Variants in HECW2 observed in about 807,000 individuals in gnomAD.
HECW2 encodes HECT, C2 and WW domain containing E3 ubiquitin protein ligase 2, also known as E3 ubiquitin-protein ligase HECW2.
In HECW2, 61 loss-of-function variants were observed where a neutral mutation model predicts 175.2. That is an observed-to-expected ratio of 0.35 (90% CI 0.28 to 0.43). The LOEUF (loss-of-function observed/expected upper bound fraction) is 0.43, where lower values mean the gene tolerates loss of function less well. Among genes scored for constraint, HECW2 ranks in the 20% least tolerant of loss-of-function variants. HECW2 has a pLI of 1.00. For synonymous variants in HECW2, 671 were observed against 731.0 expected, an observed-to-expected ratio of 0.92 and a Z score of 1.32; for missense variants, 1,524 against 2,000.5, an observed-to-expected ratio of 0.76 and a Z score of 4.54.
intron 4 of HECW2, among the ~76,000 whole-genome samples, chr2:196,334,122 C>G (rs76875511): frequency 6.6e-6 from 1 of 152,186 alleles, no homozygotes; most frequent in South Asian, 2.1e-4. Flanking sequence ...CAACTGGTCA[C>G]CCACACTAAG....
At chr2:196,264,985 C>T (rs932603488) in intron 17 of HECW2, among the ~76,000 whole-genome samples, 1 of 152,018 alleles carries the variant, frequency 6.6e-6, no homozygotes, top group African/African-American at 2.4e-5. Flanking sequence ...GCTTCTAAAA[C>T]GTTATCTTAA....
intron 13 of HECW2, among the ~76,000 whole-genome samples, chr2:196,298,102 A>C (rs567499817): frequency 5.3e-4 from 80 of 152,330 alleles, no homozygotes; most frequent in Non-Finnish European, 9.0e-4. Context: ...GTATTTTTAG[A>C]GCTCATTAAA....
At chr2:196,517,622 T>C (rs964231616) in intron 1 of HECW2, among the ~76,000 whole-genome samples, 3 of 152,244 alleles carry the variant, frequency 2.0e-5, no homozygotes, top group African/African-American at 7.2e-5. Flanking sequence ...TTGTTTTCAC[T>C]GTAAAGATTG....
intron 1 of HECW2, among the ~76,000 whole-genome samples, chr2:196,574,313 C>T (rs1317528279): frequency 6.6e-6 from 1 of 151,806 alleles, no homozygotes; most frequent in African/African-American, 2.4e-5. Context: ...ACCCATAATC[C>T]CAGCTACTCA....
At chr2:196,420,259 T>C (rs552424881) in intron 2 of HECW2, among the ~76,000 whole-genome samples, 2 of 152,196 alleles carry the variant, frequency 1.3e-5, no homozygotes, top group Non-Finnish European at 2.9e-5. Context: ...CTGAAGTCCA[T>C]ATGAACTGCA....
intron 2 of HECW2, chr2:196,362,247 A>G: frequency 4.2e-6 from 4 of 962,106 alleles, no homozygotes; most frequent in Non-Finnish European, 4.9e-6. Context: ...ACAGGATGCA[A>G]TCGCCCCATC....
chr2:196,286,596 T>G (rs192330842), intron 14 of HECW2, among the ~76,000 whole-genome samples: 2 of 152,264 alleles, frequency 1.3e-5, no homozygotes, highest in East Asian at 3.9e-4. Context: ...GCCATCTGCC[T>G]TCTATGTACA....
chr2:196,379,059 T>G (rs766159863), intron 2 of HECW2, among the ~76,000 whole-genome samples: 13 of 143,810 alleles, frequency 9.0e-5, no homozygotes, highest in Non-Finnish European at 1.7e-4. Flanking sequence ...TGGAACAAGT[T>G]AAAAGACAAT....
intron 14 of HECW2, among the ~76,000 whole-genome samples, chr2:196,279,726 A>G (rs892143273): frequency 6.6e-6 from 1 of 152,192 alleles, no homozygotes; most frequent in Non-Finnish European, 1.5e-5. Context: ...TTAGTCGCCC[A>G]TTACACACCC....
chr2:196,534,032 T>C (rs1158792494), intron 1 of HECW2, among the ~76,000 whole-genome samples: 1 of 152,220 alleles, frequency 6.6e-6, no homozygotes, highest in African/African-American at 2.4e-5. Context: ...GATTTACTGT[T>C]GCACATTATT....
chr2:196,360,144 C>T (rs1693534621), intron 2 of HECW2, among the ~76,000 whole-genome samples: 1 of 152,124 alleles, frequency 6.6e-6, no homozygotes, highest in Non-Finnish European at 1.5e-5. Flanking sequence ...TAGCAAACCT[C>T]CAAAGAGCTA....
intron 22 of HECW2, among the ~76,000 whole-genome samples, chr2:196,226,149 C>G (rs1015469180): frequency 6.6e-6 from 1 of 151,998 alleles, no homozygotes; most frequent in African/African-American, 2.4e-5. Flanking sequence ...AGGCTGATCC[C>G]TTATGGCTTG....
intron 1 of HECW2, among the ~76,000 whole-genome samples, chr2:196,523,857 G>A (rs548828320): frequency 6.6e-6 from 1 of 152,204 alleles, no homozygotes; most frequent in African/African-American, 2.4e-5. Flanking sequence ...GCTTTTTGAT[G>A]TGCTGCTGGA....
intron 4 of HECW2, among the ~76,000 whole-genome samples, chr2:196,330,296 A>T (rs1231618049): frequency 6.6e-6 from 1 of 152,224 alleles, no homozygotes; most frequent in Non-Finnish European, 1.5e-5. Context: ...GCAAATTTAG[A>T]CCTTTCTCTC....
In HECW2 at chr2:196,225,916, T is replaced by C; in HGVS notation, c.3918-46A>G. 3.3e-6 allele frequency: 4 copies of C among 1,206,916 alleles called. No homozygotes were observed. In the South Asian group the frequency reaches 3.7e-5, roughly 11 times the overall value. 74.8% of individuals were successfully genotyped at this position (1,206,916 alleles called of 1,614,324 possible). A position where few individuals can be genotyped will look rare whatever the true frequency, so the allele number is the denominator to read the frequency against. On this transcript the variant is annotated intron_variant, in intron 22 of 28. Coordinates refer to ENST00000644978, the MANE Select transcript of HECW2 (RefSeq NM_001348768.2). ...ATGGCTTACATGTCATGGAGCAGTT[T>C]CTAGGTGGTTCCATATGCTTTCTAG...
At chr2:196,549,779 A>G (rs1559171182) in intron 1 of HECW2, among the ~76,000 whole-genome samples, 1 of 152,176 alleles carries the variant, frequency 6.6e-6, no homozygotes, top group Non-Finnish European at 1.5e-5. Context: ...CTCCACAGAT[A>G]TTTTCCTAGA....
chr2:196,344,526 C>G (rs1222203987), intron 2 of HECW2, among the ~76,000 whole-genome samples: 2 of 151,906 alleles, frequency 1.3e-5, no homozygotes, highest in East Asian at 3.9e-4. Context: ...GGCAGGGATG[C>G]TCTGGCTTCC....
intron 13 of HECW2, among the ~76,000 whole-genome samples, chr2:196,298,313 A>T (rs1399300177): frequency 6.6e-6 from 1 of 152,132 alleles, no homozygotes; most frequent in Non-Finnish European, 1.5e-5. Context: ...CAACCATTAG[A>T]GGGCAGTAGA....
chr2:196,359,224 T>C (rs1166201489), intron 2 of HECW2, among the ~76,000 whole-genome samples: 1 of 152,084 alleles, frequency 6.6e-6, no homozygotes, highest in African/African-American at 2.4e-5. Context: ...CCAAGGCAGG[T>C]GGATCATGAG....
Sources: allele counts gnomAD v4.1 joint callset (sites outside exome capture counted in the v4.1 genomes callset), GRCh38; gene constraint gnomAD v4.1.1; transcripts MANE v1.5; gene names NCBI Gene and HGNC (gene_info 2026-07-23, HGNC 2026-07-21).